Variants in KMT2C observed in about 807,000 individuals in gnomAD.
The protein encoded by KMT2C is lysine methyltransferase 2C.
Under a neutral mutation model 507.9 loss-of-function variants are expected in KMT2C, and 88 were observed. That is an observed-to-expected ratio of 0.17 (90% CI 0.15 to 0.21). The LOEUF (loss-of-function observed/expected upper bound fraction) is 0.21. KMT2C is among the 10% of genes least tolerant of loss of function. KMT2C has a pLI of 1.00. For missense variants in KMT2C, 4,954 were observed against 5,957.8 expected (o/e 0.83, Z 5.55); for synonymous variants, 2,049 against 2,080.8 (o/e 0.98, Z 0.42).
intron 1 of KMT2C, among the ~76,000 whole-genome samples, chr7:152,420,420 T>C (rs985594514): frequency 6.6e-6 from 1 of 152,182 alleles, no homozygotes; most frequent in Non-Finnish European, 1.5e-5. Context: ...ATCTGCATCA[T>C]CCCTATCTCC....
chr7:152,187,242 A>G lies in KMT2C; in HGVS notation c.5008+20T>C. The G allele has an allele frequency of 6.3e-7, 1 of 1,597,120 alleles. No homozygotes were observed. The highest frequency in any genetic ancestry group is 8.6e-7 in the Non-Finnish European group (1 of 1,164,922). On this transcript the variant is annotated intron_variant, in intron 33 of 58. Coordinates refer to ENST00000262189, the MANE Select transcript of KMT2C (RefSeq NM_170606.3). Reference sequence around the variant, plus strand: ...ATGTGAAAATGTTGGTAAAACAGAAATAATATATTCATGGCTTACCAGGGA... The same window carrying G: ...ATGTGAAAATGTTGGTAAAACAGAAGTAATATATTCATGGCTTACCAGGGA...
chr7:152,233,707 A>G (rs927196580), intron 16 of KMT2C, among the ~76,000 whole-genome samples: 2 of 152,256 alleles, frequency 1.3e-5, no homozygotes, highest in Non-Finnish European at 2.9e-5. Context: ...TATTAAAATA[A>G]TAAGAAACAT....
chr7:152,284,253 G>A (rs2096263552), intron 6 of KMT2C, among the ~76,000 whole-genome samples: 1 of 152,022 alleles, frequency 6.6e-6, no homozygotes, highest in South Asian at 2.1e-4. Context: ...TTTGGTAAAA[G>A]GAGAGACAAA....
In KMT2C at chr7:152,162,280, G is replaced by A; in HGVS notation, c.11297C>T (p.Pro3766Leu). 6.2e-7 allele frequency: 1 copy of A among 1,614,144 alleles called. No individual in the cohort carries two copies. Among genetic ancestry groups the A allele is most frequent in the Non-Finnish European group, 8.5e-7 (1 of 1,180,002 alleles). ...AQSPPHSAGA[P>L]AAKGDSGNEL... ...ATTCCCTGAGTCTCCTTTGGCAGCA[G>A]GGGCCCCAGCAGAATGGGGAGGACT... is the stretch of plus-strand genomic sequence containing the variant. Residue 3766 changes from proline to leucine, a missense_variant, in exon 43 of 59, where the codon CCT (proline) becomes CTT (leucine). Around this residue, in one of 29 missense-constraint regions of KMT2C, gnomAD observed 801 missense variants for 751.2 expected, o/e 1.07. Coordinates refer to ENST00000262189, the MANE Select transcript of KMT2C (RefSeq NM_170606.3).
rs745935927 is a variant in KMT2C at position 152,177,408 on chromosome 7, G to A, written c.8045C>T (p.Ser2682Phe). 6.2e-7 allele frequency: 1 copy of A among 1,614,216 alleles called. No individual in the cohort carries two copies. Among genetic ancestry groups the A allele is most frequent in the Non-Finnish European group, 8.5e-7 (1 of 1,180,026 alleles). Residue 2682 changes from serine to phenylalanine, a missense_variant, in exon 38 of 59, where the codon TCT becomes TTT. This residue lies in a region of KMT2C where 1,689 missense variants were observed against 1,654.3 expected (regional missense o/e 1.02). Coordinates refer to ENST00000262189, the MANE Select transcript of KMT2C (RefSeq NM_170606.3). ...ATCAAGTTTTTCCTCTAGACCATCA[G>A]AAGGCTGGGTGGTTATCTGTAAATT... ...SDNLQITTQP[S>F]DGLEEKLDSD...
Position 152,365,333 on chromosome 7 carries a change from A to T in KMT2C, c.162-6658T>A, listed in dbSNP as rs535236025. On this transcript the variant is annotated intron_variant, in intron 1 of 58. Coordinates refer to ENST00000262189, the MANE Select transcript of KMT2C (RefSeq NM_170606.3). ...AGACCAGCCTGGCCAAGATGGTGAA[A>T]CCCTGTCTCTGCTAAAAATACAAAA... Among the ~76,000 whole-genome samples the T allele has an allele frequency of 3.9e-5, 6 of 152,248 alleles. No homozygotes were observed. The East Asian group carries it at 9.6e-4, about 24-fold the overall frequency.
Position 152,250,858 on chromosome 7 carries a change from G to A in KMT2C, c.1730C>T (p.Pro577Leu). The A allele has an allele frequency of 6.5e-7, 1 of 1,534,700 alleles. No individual in the cohort carries two copies. The highest frequency in any genetic ancestry group is 9.0e-7 in the Non-Finnish European group (1 of 1,108,328). Reference protein sequence around the residue: ...NGQESTPGIVPDAVQVHTEEQ... With the variant: ...NGQESTPGIVLDAVQVHTEEQ... ...TATCCATTAAACATTCTTACCATCT[G>A]GAACAATTCCAGGAGTGGACTCCTG... is the stretch of plus-strand genomic sequence containing the variant. Residue 577 changes from proline to leucine, a missense_variant, in exon 12 of 59, where the codon CCA (proline) becomes CTA (leucine). Physicochemically the swap from Pro to Leu is moderately conservative, Grantham distance 98 (BLOSUM62 -3). Transcript: ENST00000262189.
At chr7:152,297,001 G>GAAAGAAAGAA (rs2096507111) in intron 6 of KMT2C, among the ~76,000 whole-genome samples, 3 of 40,260 alleles carry the variant, frequency 7.5e-5, no homozygotes, top group Non-Finnish European at 1.3e-4. Flanking sequence ...GAAAGAAAAA[G>GAAAGAAAGAA]AAAGAAAGAA....
chr7:152,191,461 G>A lies in KMT2C; in HGVS notation c.4660+2548C>T, dbSNP rs187154360. On this transcript the variant is annotated intron_variant, in intron 31 of 58. Transcript: ENST00000262189. ...ACTTGTTCTAATGTCATTTTCTCTCGTATCTATTCCTTCCTTTCAATCAGC... is the reference window on the plus strand; with the variant it reads ...ACTTGTTCTAATGTCATTTTCTCTCATATCTATTCCTTCCTTTCAATCAGC... Among the ~76,000 whole-genome samples the A allele has an allele frequency of 1.6e-4, 25 of 152,066 alleles. No individual in the cohort carries two copies. The East Asian group carries it at 3.9e-3, about 24-fold the overall frequency.
At chr7:152,350,198 C>T (rs1457388570) in intron 2 of KMT2C, among the ~76,000 whole-genome samples, 1 of 151,912 alleles carries the variant, frequency 6.6e-6, no homozygotes, top group East Asian at 1.9e-4. Flanking sequence ...TGCAGTGAGC[C>T]GAGATTGCAC....
rs567229925 is a variant in KMT2C, at chr7:152,144,404, T to C, written c.14343+309A>G. Among the ~76,000 whole-genome samples the C allele has an allele frequency of 1.3e-5, 2 of 152,142 alleles. No individual in the cohort carries two copies. Among genetic ancestry groups the C allele is most frequent in the Non-Finnish European group, 2.9e-5 (2 of 68,026 alleles). On this transcript the variant is annotated intron_variant, in intron 55 of 58. Transcript: ENST00000262189. The surrounding 1 kb of genome is among the most constrained non-coding windows in gnomAD (Gnocchi z 4.4). ...ATTTCTCTCAAGTGCTTGAAACAGC[T>C]CTACTGAGCACTCCACAAATCCAGT...
chr7:152,365,110 T>C (rs2097230906), intron 1 of KMT2C, among the ~76,000 whole-genome samples: 1 of 152,194 alleles, frequency 6.6e-6, no homozygotes, highest in Non-Finnish European at 1.5e-5. Flanking sequence ...TGAAACTATG[T>C]AAGCCAGAAG....
At chr7:152,255,787 T>C (rs1390990776) in intron 9 of KMT2C, among the ~76,000 whole-genome samples, 1 of 152,180 alleles carries the variant, frequency 6.6e-6, no homozygotes, top group Non-Finnish European at 1.5e-5. Context: ...GAATGGTTTT[T>C]AGAAAACTGA....
intron 1 of KMT2C, among the ~76,000 whole-genome samples, chr7:152,376,489 A>C (rs2097329502): frequency 6.6e-6 from 1 of 152,254 alleles, no homozygotes; most frequent in Non-Finnish European, 1.5e-5. Flanking sequence ...GCACTATGTC[A>C]GTGAACATGA....
intron 5 of KMT2C, among the ~76,000 whole-genome samples, 174 bp from the exon 6 acceptor site, chr7:152,310,249 C>T (rs375511717): frequency 3.3e-5 from 5 of 152,160 alleles, no homozygotes; most frequent in African/African-American, 9.7e-5. Flanking sequence ...CCACTGAGTG[C>T]CAGTATCAAT....
Position 152,138,659 on chromosome 7 carries a change from A to C in KMT2C, c.14643+137T>G. ...GAAGGGTGAGATACTGCAGGGTGGGAACATCTGGCCTATTATGGACAGAGT... is the reference window on the plus strand; with the variant it reads ...GAAGGGTGAGATACTGCAGGGTGGGCACATCTGGCCTATTATGGACAGAGT... On this transcript the variant is annotated intron_variant, in intron 58 of 58. Transcript: ENST00000262189. The surrounding 1 kb of genome is among the most constrained non-coding windows in gnomAD (Gnocchi z 4.2). 2 of 599,490 alleles carry C rather than the reference A, an allele frequency of 3.3e-6. No individual in the cohort carries two copies. Among genetic ancestry groups the C allele is most frequent in the Non-Finnish European group, 5.9e-6 (2 of 337,782 alleles). 37.1% of individuals were successfully genotyped at this position (599,490 alleles called of 1,614,324 possible).
rs869076803 is a variant in KMT2C at position 152,226,219 on chromosome 7, C to CTTT, written c.2977-1606_2977-1604dup. On this transcript the variant is annotated intron_variant, in intron 18 of 58. Transcript: ENST00000262189. ...AAGAGTTGGTTGTTCATTACAAGGC[C>CTTT]TTTTTTTTTTTTTTTTTTTTTTTTT... is the stretch of plus-strand genomic sequence containing the variant. Among the ~76,000 whole-genome samples, 90 of 94,950 alleles carry CTTT rather than the reference C, an allele frequency of 9.5e-4. 5 individuals are homozygous for CTTT. The highest frequency in any genetic ancestry group is 1.3e-3 in the African/African-American group (32 of 23,968). The allele number at this position is 94,950 out of a possible 152,430, so 62.3% of individuals were successfully genotyped here.
chr7:152,422,466 A>G (rs1421278334), intron 1 of KMT2C, among the ~76,000 whole-genome samples: 1 of 151,982 alleles, frequency 6.6e-6, no homozygotes, highest in Non-Finnish European at 1.5e-5. Flanking sequence ...AAAGAAAAAA[A>G]AAGAAAACCC....
At chr7:152,342,882 A>G (rs1487216164) in intron 2 of KMT2C, among the ~76,000 whole-genome samples, 1 of 152,222 alleles carries the variant, frequency 6.6e-6, no homozygotes, top group East Asian at 1.9e-4. Context: ...GAAGAGAAAT[A>G]AACTCCAGCC....
Sources: gnomAD v4.1 joint callset for allele counts (sites outside exome capture counted in the v4.1 genomes callset) on GRCh38, gnomAD v4.1.1 for gene constraint, gnomAD v4.1.1 regional missense constraint, Gnocchi (gnomAD v3.1) non-coding constraint, MANE v1.5 for transcripts, NCBI Gene and HGNC (gene_info 2026-07-23, HGNC 2026-07-21) for gene names.